Variants in KCNG2 observed in about 807,000 individuals in gnomAD.
KCNG2 encodes the protein potassium voltage-gated channel modifier subfamily G member 2, also known as voltage-gated potassium channel regulatory subunit KCNG2.
KCNG2 carries 7 observed loss-of-function variants against 12.3 expected under a neutral mutation model. The ratio of observed to expected loss-of-function variants is 0.57; its 90% confidence interval spans 0.32 to 1.07. The LOEUF (loss-of-function observed/expected upper bound fraction) is 1.07, where lower values mean the gene tolerates loss of function less well. Among genes scored for constraint, KCNG2 ranks in the 50% least tolerant of loss-of-function variants. KCNG2 has a pLI of 0.04. For synonymous variants in KCNG2, 414 were observed against 351.4 expected, an observed-to-expected ratio of 1.18 and a Z score of -1.99; for missense variants, 703 against 726.0, an observed-to-expected ratio of 0.97 and a Z score of 0.36.
At chr18:79,815,064 GTATCAAAATAAT>G (rs2087519243) in intron 1 of KCNG2, among the ~76,000 whole-genome samples, 1 of 152,110 alleles carries the variant, frequency 6.6e-6, no homozygotes, top group South Asian at 2.1e-4. Flanking sequence ...TGGAACTTTA[GTATCAAAATAAT>G]GTCTGACAAT....
At chr18:79,810,903 C>CA (rs1467418066) in intron 1 of KCNG2, among the ~76,000 whole-genome samples, 1 of 152,166 alleles carries the variant, frequency 6.6e-6, no homozygotes, top group Non-Finnish European at 1.5e-5. Context: ...AACTTAGAGT[C>CA]AAACAATACT....
At chr18:79,808,241 G>T (rs634045) in intron 1 of KCNG2, among the ~76,000 whole-genome samples, 95 of 18,884 alleles carry the variant, frequency 5.0e-3, no homozygotes, top group Admixed American at 6.3e-3. Context: ...CCCAGAGTCC[G>T]CGCTCTGAGA....
intron 1 of KCNG2, among the ~76,000 whole-genome samples, chr18:79,820,211 C>T (rs1448826920): frequency 6.6e-6 from 1 of 152,198 alleles, no homozygotes; most frequent in Non-Finnish European, 1.5e-5. Context: ...CTGTTTGAGT[C>T]CCTGTTTTCA....
chr18:79,838,082 CT>C (rs1978356056), intron 1 of KCNG2, among the ~76,000 whole-genome samples: 1 of 152,120 alleles, frequency 6.6e-6, no homozygotes. Context: ...AAGTGCCTCA[CT>C]TTTAAACCAT....
intron 2 of KCNG2, among the ~76,000 whole-genome samples, chr18:79,857,732 C>CCG (rs1979069116): frequency 1.3e-5 from 2 of 152,012 alleles, no homozygotes; most frequent in Admixed American, 6.5e-5. Context: ...CTGGATCCCC[C>CCG]CGAGACCTAC....
intron 1 of KCNG2, chr18:79,816,416 C>T (rs1202588247): frequency 6.6e-6 from 1 of 152,438 alleles, no homozygotes; most frequent in African/African-American, 2.4e-5. Context: ...CTTCTCTGCC[C>T]TCTGGGGGCT....
chr18:79,885,218 A>ATG (rs1052689663), intron 3 of KCNG2, among the ~76,000 whole-genome samples: 4 of 152,106 alleles, frequency 2.6e-5, no homozygotes, highest in Non-Finnish European at 5.9e-5. Context: ...AAAACCCTGA[A>ATG]TGTCTGTTAA....
At chr18:79,824,873 G>A (rs935767943) in intron 1 of KCNG2, among the ~76,000 whole-genome samples, 2 of 151,744 alleles carry the variant, frequency 1.3e-5, no homozygotes, top group East Asian at 1.9e-4. Context: ...ATAATATTCC[G>A]TTTAGAATTT....
intron 1 of KCNG2, among the ~76,000 whole-genome samples, chr18:79,851,369 G>A (rs936995849): frequency 2.6e-5 from 4 of 152,158 alleles, no homozygotes; most frequent in Non-Finnish European, 4.4e-5. Context: ...ATCTGTTCCC[G>A]TAGCCATAAG....
rs577544539 is a variant in KCNG2, at chr18:79,849,382, C to T, written c.-114-6997C>T. On this transcript the variant is annotated intron_variant, in intron 1 of 3. Coordinates refer to ENST00000316249, the MANE Select transcript of KCNG2 (RefSeq NM_012283.2). ...GAGCTTCTGGGGGGCACAGGCGCCC[C>T]TCTTGGCTCAGAAGGTGGGGCCCTG... Among the ~76,000 whole-genome samples the T allele has an allele frequency of 5.1e-3, 781 of 152,352 alleles. 2 individuals are homozygous for T. The highest frequency in any genetic ancestry group is 7.4e-3 in the Non-Finnish European group (502 of 68,030).
chr18:79,819,222 C>T (rs373243548), intron 1 of KCNG2, among the ~76,000 whole-genome samples: 2 of 152,340 alleles, frequency 1.3e-5, no homozygotes, highest in African/African-American at 4.8e-5. Flanking sequence ...AGGCCGGCAG[C>T]CTGCAGAGAC....
At chr18:79,821,774 C>T (rs547279443) in intron 1 of KCNG2, among the ~76,000 whole-genome samples, 45 of 152,232 alleles carry the variant, frequency 3.0e-4, no homozygotes, top group African/African-American at 8.4e-4. Context: ...CGTCCTGCTC[C>T]GCCCTCAACT....
At chr18:79,832,566 G>C (rs1237514771) in intron 1 of KCNG2, among the ~76,000 whole-genome samples, 1 of 151,862 alleles carries the variant, frequency 6.6e-6, no homozygotes, top group Non-Finnish European at 1.5e-5. Context: ...CCACTCTCTT[G>C]CTGTTTTTTG....
In KCNG2 at chr18:79,822,441, A is replaced by C. The variant is rs1368645167; in HGVS notation, c.-115+24427A>C. 6.6e-6 allele frequency among the ~76,000 whole-genome samples: 1 copy of C among 151,938 alleles called. No individual in the cohort carries two copies. Among genetic ancestry groups the C allele is most frequent in the Non-Finnish European group, 1.5e-5 (1 of 67,992 alleles). On this transcript the variant is annotated intron_variant, in intron 1 of 3. Coordinates refer to ENST00000316249, the MANE Select transcript of KCNG2 (RefSeq NM_012283.2). The surrounding 1 kb of genome is among the most constrained non-coding windows in gnomAD (Gnocchi z 4.4). ...GTTTTTCACAATATTGATACTTTTTAAAGTTATTATTTTTTTGAGACAGGG... is the reference window on the plus strand; with the variant it reads ...GTTTTTCACAATATTGATACTTTTTCAAGTTATTATTTTTTTGAGACAGGG...
intron 1 of KCNG2, among the ~76,000 whole-genome samples, chr18:79,806,176 C>T (rs2087448050): frequency 6.6e-6 from 1 of 152,236 alleles, no homozygotes; most frequent in African/African-American, 2.4e-5. Flanking sequence ...GCCAGGCATC[C>T]AGCCCACGAA....
intron 3 of KCNG2, among the ~76,000 whole-genome samples, chr18:79,890,538 T>G (rs1346665126): frequency 6.6e-6 from 1 of 152,196 alleles, no homozygotes; most frequent in African/African-American, 2.4e-5. Flanking sequence ...ACCCAACGTT[T>G]AGCTCGCACT....
In KCNG2 at chr18:79,899,454, C is replaced by G. The variant is rs766848781; in HGVS notation, c.1039C>G (p.Leu347Val). The G allele has an allele frequency of 2.5e-6, 4 of 1,600,556 alleles. No individual in the cohort carries two copies. The highest frequency in any genetic ancestry group is 3.4e-6 in the Non-Finnish European group (4 of 1,175,266). ...APLVHLAERE[L>V]GARRDFSSVP... is the part of the protein sequence containing the mutation. ...ACTGGTGCACCTGGCCGAGCGCGAGCTGGGCGCGCGCCGCGACTTCTCCAG... is the reference window on the plus strand; with the variant it reads ...ACTGGTGCACCTGGCCGAGCGCGAGGTGGGCGCGCGCCGCGACTTCTCCAG... The change falls in exon 4 of 4, where the codon CTG (leucine) becomes GTG (valine). Residue 347 changes from leucine to valine, a missense_variant. Coordinates refer to ENST00000316249, the MANE Select transcript of KCNG2 (RefSeq NM_012283.2).
intron 3 of KCNG2, among the ~76,000 whole-genome samples, chr18:79,864,925 C>G (rs1463250370): frequency 7.0e-6 from 1 of 142,324 alleles, no homozygotes; most frequent in Admixed American, 7.2e-5. Context: ...GCTGAGAGGT[C>G]TGTGTGCTGA....
intron 2 of KCNG2, among the ~76,000 whole-genome samples, chr18:79,859,082 T>TTATC (rs1265238656): frequency 1.3e-5 from 2 of 152,218 alleles, no homozygotes; most frequent in African/African-American, 2.4e-5. Flanking sequence ...GAAGTCCAAT[T>TTATC]TATCTTTTTT....
Sources: allele counts gnomAD v4.1 joint callset (sites outside exome capture counted in the v4.1 genomes callset), GRCh38; gene constraint gnomAD v4.1.1; non-coding constraint Gnocchi (gnomAD v3.1); transcripts MANE v1.5; gene names NCBI Gene and HGNC (gene_info 2026-07-23, HGNC 2026-07-21).